Variants in PLB1 observed in about 807,000 individuals in gnomAD.
PLB1 encodes the protein phospholipase B1, membrane-associated.
Under a neutral mutation model 227.4 loss-of-function variants are expected in PLB1, and 242 were observed. The observed-to-expected ratio is 1.06, with a 90% CI of 0.96 to 1.18. The LOEUF (loss-of-function observed/expected upper bound fraction) is 1.18, where lower values mean the gene tolerates loss of function less well. Ranked by LOEUF, PLB1 falls within the 50% of genes most tolerant of loss-of-function variation. The pLI, the probability that PLB1 is intolerant of heterozygous loss-of-function variation, is 0.00. For synonymous variants in PLB1, 757 were observed against 682.2 expected (o/e 1.11, Z -1.71); for missense variants, 1,858 against 1,816.3 (o/e 1.02, Z -0.42).
In PLB1 at chr2:28,597,264, GAAA is replaced by G. The variant is rs57713254; in HGVS notation, c.2322-724_2322-722del. Among the ~76,000 whole-genome samples, 23 of 85,544 alleles carry G rather than the reference GAAA, an allele frequency of 2.7e-4. No homozygotes were observed. The South Asian group carries it at 7.3e-3, about 27-fold the overall frequency. 56.1% of individuals were successfully genotyped at this position (85,544 alleles called of 152,430 possible). On this transcript the variant is annotated intron_variant, in intron 33 of 57. Coordinates refer to ENST00000327757, the MANE Select transcript of PLB1 (RefSeq NM_153021.5). Reference sequence around the variant, plus strand: ...GGGCGACAGAGCAAGACTCCGTCTCGAAAAAAAAAAAAAAAAAAATCCATTGAC... The same window carrying G: ...GGGCGACAGAGCAAGACTCCGTCTCGAAAAAAAAAAAAAAAATCCATTGAC...
chr2:28,642,996 T>C lies in PLB1; in HGVS notation c.4312T>C (p.Trp1438Arg), dbSNP rs757510663. Residue 1438 changes from tryptophan to arginine, a missense_variant, in exon 58 of 58, where the codon TGG (tryptophan) becomes CGG (arginine). By Grantham distance (101) the Trp-to-Arg change is moderately radical (BLOSUM62 -3). Coordinates refer to ENST00000327757, the MANE Select transcript of PLB1 (RefSeq NM_153021.5). ...GGTGGGCATCATCGGGACAGTGGTCTGGAGGTGCAGGAGAGGTGGCCGGAG... is the reference window on the plus strand; with the variant it reads ...GGTGGGCATCATCGGGACAGTGGTCCGGAGGTGCAGGAGAGGTGGCCGGAG... Reference protein sequence around the residue: ...LVVGIIGTVVWRCRRGGRRED... With the variant: ...LVVGIIGTVVRRCRRGGRRED... The C allele has an allele frequency of 1.9e-6, 3 of 1,611,436 alleles. No homozygotes were observed. Among genetic ancestry groups the C allele is most frequent in the Non-Finnish European group, 2.5e-6 (3 of 1,179,030 alleles).
chr2:28,633,115 AACT>A, intron 56 of PLB1, 76 bp downstream of exon 56: 1 of 1,278,992 alleles, frequency 7.8e-7, no homozygotes, highest in East Asian at 2.3e-5. Flanking sequence ...ACAATGGCAA[AACT>A]ACTGGAGACA....
At chr2:28,539,955 C>T (rs1167562001) in intron 11 of PLB1, among the ~76,000 whole-genome samples, 3 of 150,580 alleles carry the variant, frequency 2.0e-5, no homozygotes, top group Non-Finnish European at 3.0e-5. Flanking sequence ...AGCCACCCTC[C>T]AGGGAGAGCT....
In PLB1 at chr2:28,578,263, C is replaced by G. The variant is rs1358419624; in HGVS notation, c.1485+105C>G. ...GAGCCCGGCTTGGGTTTCTAGCAGA[C>G]ACATCTGAAGCCTAAAACACTGCTT... On this transcript the variant is annotated intron_variant, in intron 22 of 57. Coordinates refer to ENST00000327757, the MANE Select transcript of PLB1 (RefSeq NM_153021.5). 13 of 1,067,760 alleles carry G rather than the reference C, an allele frequency of 1.2e-5. No homozygotes were observed. In the Admixed American group the frequency reaches 2.3e-4, roughly 19 times the overall value. The allele number at this position is 1,067,760 out of a possible 1,614,324, so 66.1% of individuals were successfully genotyped here. A position where few individuals can be genotyped will look rare whatever the true frequency, so the allele number is the denominator to read the frequency against.
At chr2:28,525,530 AG>A (rs1214512312) in intron 5 of PLB1, among the ~76,000 whole-genome samples, 1 of 152,064 alleles carries the variant, frequency 6.6e-6, no homozygotes, top group East Asian at 1.9e-4. Context: ...GGGGTGAATG[AG>A]GAGAAGTGGG....
chr2:28,534,704 A>C (rs1009380111), intron 9 of PLB1, among the ~76,000 whole-genome samples: 10 of 152,104 alleles, frequency 6.6e-5, no homozygotes, highest in African/African-American at 2.2e-4. Context: ...AAATACAAAA[A>C]TTAGCCGGGC....
chr2:28,589,240 C>T (rs4666104), intron 26 of PLB1, among the ~76,000 whole-genome samples: 59,098 of 151,880 alleles, frequency 0.39, 12,119 homozygotes, highest in African/African-American at 0.52. Context: ...TATATGCAAT[C>T]GCAGCAGAGT....
At chr2:28,551,539 A>G (rs1205348596) in intron 16 of PLB1, among the ~76,000 whole-genome samples, 1 of 152,194 alleles carries the variant, frequency 6.6e-6, no homozygotes, top group Non-Finnish European at 1.5e-5. Context: ...ACACAGTGTG[A>G]AAGACTCGAT....
chr2:28,599,945 G>A (rs1683599632), intron 35 of PLB1, among the ~76,000 whole-genome samples: 1 of 151,928 alleles, frequency 6.6e-6, no homozygotes, highest in South Asian at 2.1e-4. Context: ...GTTTCACTCT[G>A]TCACCTAGGC....
chr2:28,584,935 A>C (rs1336613112), intron 25 of PLB1, among the ~76,000 whole-genome samples: 1 of 152,172 alleles, frequency 6.6e-6, no homozygotes, highest in African/African-American at 2.4e-5. Context: ...TGAGAAAGTT[A>C]CTCAACCACC....
chr2:28,567,623 G>A (rs573866295), intron 20 of PLB1, among the ~76,000 whole-genome samples: 7 of 151,832 alleles, frequency 4.6e-5, no homozygotes, highest in Admixed American at 2.0e-4. Flanking sequence ...ACAGGCCCCC[G>A]CCACCACACC....
intron 50 of PLB1, among the ~76,000 whole-genome samples, chr2:28,625,466 G>A (rs1048409830): frequency 6.6e-6 from 1 of 151,962 alleles, no homozygotes; most frequent in African/African-American, 2.4e-5. Context: ...ATCCAGTTCT[G>A]CCTCCTTCCC....
chr2:28,545,114 A>G (rs1276066849), intron 14 of PLB1, among the ~76,000 whole-genome samples: 1 of 152,164 alleles, frequency 6.6e-6, no homozygotes, highest in African/African-American at 2.4e-5. Flanking sequence ...GTACACAGGA[A>G]TGGAAGGTCT....
chr2:28,523,669 T>C (rs1375647057), intron 4 of PLB1, among the ~76,000 whole-genome samples: 2 of 152,100 alleles, frequency 1.3e-5, no homozygotes, highest in Non-Finnish European at 2.9e-5. Flanking sequence ...ACATCTCTCT[T>C]TACCACCCTC....
At chr2:28,573,680 G>A (rs1022852224) in intron 21 of PLB1, among the ~76,000 whole-genome samples, 4 of 152,140 alleles carry the variant, frequency 2.6e-5, no homozygotes, top group African/African-American at 9.7e-5. Flanking sequence ...TGCCTTTTGG[G>A]CTTTAAACTC....
Position 28,589,719 on chromosome 2 carries a change from C to T in PLB1, c.1965C>T (p.His655=), listed in dbSNP as rs371747091. The T allele has an allele frequency of 5.0e-6, 8 of 1,614,002 alleles. No individual in the cohort carries two copies. The African/African-American group carries it at 1.1e-4, about 22-fold the overall frequency. ...CTTTCTTCGCTCCTGACTGTTTCCA[C>T]TTCAGCAGCAAGTCTCACTCCCGAG... ...DNSFFAPDCF[H]FSSKSHSRAA... Residue 655 remains histidine (H), a synonymous_variant, in exon 28 of 58, where the codon CAC becomes CAT. Coordinates refer to ENST00000327757, the MANE Select transcript of PLB1 (RefSeq NM_153021.5).
intron 32 of PLB1, 35 bp from the exon 33 acceptor site, chr2:28,593,646 C>A (rs764698274): frequency 1.9e-6 from 3 of 1,595,170 alleles, no homozygotes; most frequent in African/African-American, 1.3e-5. Flanking sequence ...CTCTGACTTG[C>A]TAATTTTCCT....
chr2:28,564,254 A>G (rs1425021007), intron 18 of PLB1, among the ~76,000 whole-genome samples: 1 of 152,130 alleles, frequency 6.6e-6, no homozygotes, highest in Admixed American at 6.5e-5. Context: ...AATCAATAAG[A>G]AGGTGAATGA....
intron 16 of PLB1, among the ~76,000 whole-genome samples, chr2:28,551,383 C>T (rs990691523): frequency 6.6e-6 from 1 of 152,178 alleles, no homozygotes; most frequent in Admixed American, 6.5e-5. Flanking sequence ...GGGTTGATGT[C>T]TTCTTTCCCA....
Sources: allele counts gnomAD v4.1 joint callset (sites outside exome capture counted in the v4.1 genomes callset), GRCh38; gene constraint gnomAD v4.1.1; transcripts MANE v1.5; gene names NCBI Gene and HGNC (gene_info 2026-07-23, HGNC 2026-07-21).